Variants in EPS8 observed in about 807,000 individuals in gnomAD.
EPS8 encodes the protein EGFR pathway substrate 8, signaling adaptor.
Under a neutral mutation model 103.8 loss-of-function variants are expected in EPS8, and 42 were observed. That is an observed-to-expected ratio of 0.40 (90% CI 0.32 to 0.52). The LOEUF (loss-of-function observed/expected upper bound fraction) is 0.52. Among genes scored for constraint, EPS8 ranks in the 20% least tolerant of loss-of-function variants. The probability of loss-of-function intolerance (pLI) is 0.40; values close to 1 mark genes in which losing one functional copy is unlikely to be tolerated. For missense variants in EPS8, 969 were observed against 1,005.1 expected (o/e 0.96, Z 0.49); for synonymous variants, 344 against 344.6 (o/e 1.00, Z 0.02).
In EPS8 at chr12:15,736,914, A is replaced by G. The variant is rs1946772370; in HGVS notation, c.-22+52247T>C. Among the ~76,000 whole-genome samples, 1 of 152,176 alleles carries G rather than the reference A, an allele frequency of 6.6e-6. No individual in the cohort carries two copies. Among genetic ancestry groups the G allele is most frequent in the East Asian group, 1.9e-4 (1 of 5,206 alleles). On this transcript the variant is annotated intron_variant, in intron 1 of 20. Coordinates refer to ENST00000281172, the MANE Select transcript of EPS8 (RefSeq NM_004447.6). The surrounding 1 kb of genome is among the most constrained non-coding windows in gnomAD (Gnocchi z 4.2). ...GATGTGCTCAATGCTTATAAGAAAAATTATCCTAAATACTTAAAAAAATAA... is the reference window on the plus strand; with the variant it reads ...GATGTGCTCAATGCTTATAAGAAAAGTTATCCTAAATACTTAAAAAAATAA...
At chr12:15,724,432 C>T (rs760573332) in intron 1 of EPS8, among the ~76,000 whole-genome samples, 23 of 151,976 alleles carry the variant, frequency 1.5e-4, no homozygotes, top group Non-Finnish European at 3.1e-4. Flanking sequence ...TTTAGAAAGA[C>T]ATACGATATA....
chr12:15,721,845 A>C lies in EPS8; in HGVS notation c.-21-38873T>G, dbSNP rs1018632162. ...AATATTATTTCTGATCATAAAAGTA[A>C]ATCCATGGCAGAAAGTTAGAACATA... On this transcript the variant is annotated intron_variant, in intron 1 of 20. Transcript: ENST00000281172. The surrounding 1 kb of genome is among the most constrained non-coding windows in gnomAD (Gnocchi z 4.4). Among the ~76,000 whole-genome samples the C allele has an allele frequency of 2.0e-5, 3 of 151,926 alleles. No homozygotes were observed.
At chr12:15,671,681 C>T (rs531734342) in intron 3 of EPS8, 35 of 152,138 alleles carry the variant, frequency 2.3e-4, no homozygotes, top group African/African-American at 7.5e-4. Flanking sequence ...ATTTGTTACT[C>T]TCTTTTTAAA....
intron 1 of EPS8, among the ~76,000 whole-genome samples, chr12:15,726,717 G>A (rs1408675134): frequency 6.6e-6 from 1 of 152,152 alleles, no homozygotes; most frequent in Non-Finnish European, 1.5e-5. Flanking sequence ...TCTTAACTTG[G>A]TCTGAGCTGG....
At chr12:15,645,501 G>A (rs1945305421) in intron 15 of EPS8, among the ~76,000 whole-genome samples, 1 of 151,884 alleles carries the variant, frequency 6.6e-6, no homozygotes, top group African/African-American at 2.4e-5. Context: ...TAATTTAAGT[G>A]AGCTAACTGA....
At chr12:15,656,730 C>T (rs4400852) in intron 12 of EPS8, among the ~76,000 whole-genome samples, 121,352 of 152,064 alleles carry the variant, frequency 0.8, 53,947 homozygotes, top group Non-Finnish European at 0.97. Context: ...ATTTCCCCAT[C>T]TGGATACAAC....
chr12:15,707,624 G>A (rs1235031362), intron 1 of EPS8, among the ~76,000 whole-genome samples: 2 of 151,128 alleles, frequency 1.3e-5, no homozygotes, highest in South Asian at 2.1e-4. Flanking sequence ...CTCTGGTATC[G>A]CCTTGCTCTT....
intron 18 of EPS8, among the ~76,000 whole-genome samples, chr12:15,631,142 A>C (rs935846752): frequency 6.6e-6 from 1 of 152,210 alleles, no homozygotes; most frequent in Non-Finnish European, 1.5e-5. Context: ...GAAGGTCAGG[A>C]AGCTGGCAAG....
At chr12:15,649,358 C>T (rs553569864) in intron 14 of EPS8, among the ~76,000 whole-genome samples, 17 of 152,218 alleles carry the variant, frequency 1.1e-4, no homozygotes, top group African/African-American at 3.6e-4. Context: ...AGGCTATAAG[C>T]TAGAAATTTT....
rs746019703 is a variant in EPS8, at chr12:15,660,718, T to A, written c.833A>T (p.Asp278Val). 10 of 1,605,376 alleles carry A rather than the reference T, an allele frequency of 6.2e-6. No homozygotes were observed. In the South Asian group the frequency reaches 1.1e-4, roughly 18 times the overall value. Residue 278 changes from aspartate to valine, a missense_variant, in exon 10 of 21, where the codon GAT (aspartate) becomes GTT (valine). Transcript: ENST00000281172. ...RDVQILNHIL[D>V]DIEFFITKLQ... ...TTTTGTGATAAAAAATTCAATGTCA[T>A]CCAAAATGTGGTTTAAGATTTGCTG...
chr12:15,650,800 G>A (rs1945399223), intron 14 of EPS8, 23 bp downstream of exon 14: 1 of 1,579,728 alleles, frequency 6.3e-7, no homozygotes, highest in Non-Finnish European at 8.7e-7. Flanking sequence ...GTCTACAGAG[G>A]GCAATGTTAA....
chr12:15,630,204 T>TCACACACACA (rs58598084), intron 18 of EPS8, among the ~76,000 whole-genome samples: 23 of 148,906 alleles, frequency 1.5e-4, no homozygotes, highest in African/African-American at 4.9e-4. Context: ...TCTCTCTCAC[T>TCACACACACA]CACACACACA....
chr12:15,685,239 T>C (rs1946075298), intron 1 of EPS8, among the ~76,000 whole-genome samples: 1 of 152,170 alleles, frequency 6.6e-6, no homozygotes, highest in African/African-American at 2.4e-5. Flanking sequence ...GAAAGTCAAT[T>C]AAGCCTCTGG....
At position 15,701,409 on chromosome 12, in the gene EPS8, A is replaced by C. The variant is rs1451537878; in HGVS notation, c.-21-18437T>G. 6.6e-6 allele frequency among the ~76,000 whole-genome samples: 1 copy of C among 152,190 alleles called. No individual in the cohort carries two copies. Among genetic ancestry groups the C allele is most frequent in the African/African-American group, 2.4e-5 (1 of 41,448 alleles). On this transcript the variant is annotated intron_variant, in intron 1 of 20. Transcript: ENST00000281172. The surrounding 1 kb of genome is among the most constrained non-coding windows in gnomAD (Gnocchi z 5.1). ...CAGACCAACACAAAAGCCCAAACTC[A>C]GTTTCTATGCTATGTCTGTATGTGT...
At chr12:15,661,739 A>G (rs971453341) in intron 9 of EPS8, among the ~76,000 whole-genome samples, 14 of 152,220 alleles carry the variant, frequency 9.2e-5, no homozygotes, top group Non-Finnish European at 1.8e-4. Flanking sequence ...TAAAAATTGT[A>G]CCATTCCTGA....
intron 1 of EPS8, among the ~76,000 whole-genome samples, chr12:15,755,809 A>G (rs954558775): frequency 7.2e-5 from 11 of 151,748 alleles, no homozygotes; most frequent in African/African-American, 2.4e-4. Context: ...TTAACTCTTT[A>G]CTCTGTAGTT....
At chr12:15,722,945 C>T (rs1041016157) in intron 1 of EPS8, among the ~76,000 whole-genome samples, 1 of 151,442 alleles carries the variant, frequency 6.6e-6, no homozygotes, top group African/African-American at 2.4e-5. Context: ...ACCCAGCTAC[C>T]AGTAGATTTT....
intron 1 of EPS8, among the ~76,000 whole-genome samples, chr12:15,774,504 T>C (rs1947186842): frequency 6.6e-6 from 1 of 151,268 alleles, no homozygotes; most frequent in African/African-American, 2.4e-5. Flanking sequence ...TTATCCTGTA[T>C]TCTACAATGC....
chr12:15,706,933 T>C lies in EPS8; in HGVS notation c.-21-23961A>G, dbSNP rs573932295. Among the ~76,000 whole-genome samples the C allele has an allele frequency of 2.0e-5, 3 of 152,336 alleles. No individual in the cohort carries two copies. Among genetic ancestry groups the C allele is most frequent in the East Asian group, 3.9e-4 (2 of 5,188 alleles). ...AGCTTACATTTCAGTCCTTATTAAATGTAAAACTTTAGGCTTACTTAGCCT... is the reference window on the plus strand; with the variant it reads ...AGCTTACATTTCAGTCCTTATTAAACGTAAAACTTTAGGCTTACTTAGCCT... On this transcript the variant is annotated intron_variant, in intron 1 of 20. Coordinates refer to ENST00000281172, the MANE Select transcript of EPS8 (RefSeq NM_004447.6). This position sits in a 1 kb window ranked among gnomAD's most constrained non-coding sequence, Gnocchi z 5.2.
Sources: gnomAD v4.1 joint callset for allele counts (sites outside exome capture counted in the v4.1 genomes callset) on GRCh38, gnomAD v4.1.1 for gene constraint, Gnocchi (gnomAD v3.1) non-coding constraint, MANE v1.5 for transcripts, NCBI Gene and HGNC (gene_info 2026-07-23, HGNC 2026-07-21) for gene names.